Variants in PRKN observed in about 807,000 individuals in gnomAD.
The protein encoded by PRKN is E3 ubiquitin-protein ligase parkin.
In PRKN, 56 loss-of-function variants were observed where a neutral mutation model predicts 59.5. The observed-to-expected ratio is 0.94, with a 90% CI of 0.76 to 1.18. The LOEUF (loss-of-function observed/expected upper bound fraction) is 1.18, where lower values mean the gene tolerates loss of function less well. PRKN is among the 50% of genes most tolerant of loss of function. PRKN has a pLI of 0.00. For synonymous variants in PRKN, 250 were observed against 222.1 expected (o/e 1.13, Z -1.12); for missense variants, 657 against 596.4 (o/e 1.10, Z -1.06).
intron 6 of PRKN, among the ~76,000 whole-genome samples, chr6:161,847,303 T>A (rs1017177006): frequency 1.3e-5 from 2 of 151,438 alleles, no homozygotes; most frequent in Non-Finnish European, 2.9e-5. Flanking sequence ...CAAGACTCTG[T>A]CTAAAAAAAA....
intron 4 of PRKN, among the ~76,000 whole-genome samples, chr6:162,084,101 T>C (rs1449783594): frequency 6.6e-6 from 1 of 152,118 alleles, no homozygotes; most frequent in Non-Finnish European, 1.5e-5. Flanking sequence ...GTAAAAACTA[T>C]TAAATGCATT....
intron 2 of PRKN, among the ~76,000 whole-genome samples, chr6:162,404,367 C>CAAAAAA (rs561461282): frequency 2.9e-5 from 4 of 139,032 alleles, no homozygotes; most frequent in East Asian, 2.2e-4. Context: ...GAGACTCTGT[C>CAAAAAA]AGAAAAAAAA....
chr6:162,381,418 C>G (rs1245744204), intron 2 of PRKN, among the ~76,000 whole-genome samples: 3 of 152,128 alleles, frequency 2.0e-5, no homozygotes, highest in Admixed American at 6.6e-5. Context: ...TTACCTTTTA[C>G]TTTTTCCTCT....
chr6:161,710,717 C>T (rs934480189), intron 7 of PRKN, among the ~76,000 whole-genome samples: 5 of 152,154 alleles, frequency 3.3e-5, no homozygotes, highest in Non-Finnish European at 7.4e-5. Flanking sequence ...CCGCAGGAGT[C>T]ACAGCAAGAA....
chr6:161,726,820 A>AT (rs1288421628), intron 7 of PRKN, among the ~76,000 whole-genome samples: 1 of 152,206 alleles, frequency 6.6e-6, no homozygotes. Context: ...ATCACAACTC[A>AT]TTTTCTGAAA....
intron 7 of PRKN, among the ~76,000 whole-genome samples, chr6:161,771,200 T>TA (rs1331768181): frequency 1.3e-5 from 2 of 151,178 alleles, no homozygotes; most frequent in Admixed American, 6.6e-5. Flanking sequence ...ACTAAAAATA[T>TA]AAAAAATTAG....
At chr6:162,236,439 T>G (rs1195161232) in intron 3 of PRKN, among the ~76,000 whole-genome samples, 1 of 152,142 alleles carries the variant, frequency 6.6e-6, no homozygotes, top group Non-Finnish European at 1.5e-5. Context: ...TATGTCTTTC[T>G]TCCACCCCAC....
At chr6:161,508,604 C>T (rs112097946) in intron 9 of PRKN, among the ~76,000 whole-genome samples, 3,097 of 152,238 alleles carry the variant, frequency 0.02, 111 homozygotes, top group African/African-American at 0.071. Context: ...CCTTAATACA[C>T]TTAATAAATC....
At chr6:162,349,793 T>G (rs1257984259) in intron 2 of PRKN, among the ~76,000 whole-genome samples, 1 of 152,144 alleles carries the variant, frequency 6.6e-6, no homozygotes, top group African/African-American at 2.4e-5. Flanking sequence ...AGGAACACAG[T>G]GAGGATGTCT....
intron 7 of PRKN, among the ~76,000 whole-genome samples, chr6:161,674,427 T>C (rs1785016819): frequency 6.6e-6 from 1 of 152,316 alleles, no homozygotes; most frequent in South Asian, 2.1e-4. Flanking sequence ...CCACAGTTGG[T>C]GGCTGTTCAA....
chr6:162,579,625 ACACACAAATT>A (rs1481100116), intron 1 of PRKN, among the ~76,000 whole-genome samples: 3 of 144,120 alleles, frequency 2.1e-5, no homozygotes, highest in Non-Finnish European at 4.5e-5. Flanking sequence ...ATACACACAT[ACACACAAATT>A]CACACAGATT....
In PRKN at chr6:162,428,082, T is replaced by C. The variant is rs147738398; in HGVS notation, c.171+15228A>G. On this transcript the variant is annotated intron_variant, in intron 2 of 11. Transcript: ENST00000366898. Reference sequence around the variant, plus strand: ...GGTTTTGCAATAACAATTACAAATATGTATCTCCCTACAAAGTTTATACAA... The same window carrying C: ...GGTTTTGCAATAACAATTACAAATACGTATCTCCCTACAAAGTTTATACAA... 7.2e-5 allele frequency among the ~76,000 whole-genome samples: 11 copies of C among 152,298 alleles called. No homozygotes were observed. The East Asian group carries it at 1.2e-3, about 16-fold the overall frequency.
chr6:162,251,008 A>G (rs1779410860), intron 3 of PRKN, among the ~76,000 whole-genome samples: 1 of 152,118 alleles, frequency 6.6e-6, no homozygotes, highest in South Asian at 2.1e-4. Flanking sequence ...AATCTTCATT[A>G]GCCCCTGTGT....
rs1779026382 is a variant in PRKN at position 161,526,615 on chromosome 6, C to G, written c.1083+22239G>C. The stretch of plus-strand genomic sequence containing the variant: ...AAATAAATATAATGAAATAAAATCT[C>G]AAAGCATCAGTAATTGCTACATGAG... On this transcript the variant is annotated intron_variant, in intron 9 of 11. Coordinates refer to ENST00000366898, the MANE Select transcript of PRKN (RefSeq NM_004562.3). The surrounding 1 kb of genome is among the most constrained non-coding windows in gnomAD (Gnocchi z 4.1). Among the ~76,000 whole-genome samples the G allele has an allele frequency of 6.6e-6, 1 of 150,602 alleles. No individual in the cohort carries two copies. Among genetic ancestry groups the G allele is most frequent in the African/African-American group, 2.4e-5 (1 of 41,158 alleles).
chr6:162,301,866 C>A (rs1477200082), intron 2 of PRKN, among the ~76,000 whole-genome samples: 2 of 150,836 alleles, frequency 1.3e-5, no homozygotes, highest in Non-Finnish European at 2.9e-5. Context: ...TGATGTACAC[C>A]AAACCTGTCT....
intron 5 of PRKN, among the ~76,000 whole-genome samples, chr6:162,010,217 T>C (rs1043702109): frequency 8.2e-6 from 1 of 122,102 alleles, no homozygotes; most frequent in Non-Finnish European, 1.8e-5. Context: ...ATATATTATA[T>C]ATACATAATA....
chr6:161,629,513 T>C (rs968729718), intron 7 of PRKN, among the ~76,000 whole-genome samples: 12 of 152,056 alleles, frequency 7.9e-5, no homozygotes, highest in Admixed American at 1.3e-4. Flanking sequence ...CCCTTCTGCT[T>C]AAAACCTCCA....
At chr6:162,326,669 G>T (rs551211855) in intron 2 of PRKN, among the ~76,000 whole-genome samples, 2 of 152,128 alleles carry the variant, frequency 1.3e-5, no homozygotes, top group Non-Finnish European at 2.9e-5. Context: ...ACTGCCCAAG[G>T]TTTGCATCAT....
At chr6:162,555,102 T>C (rs1779505761) in intron 1 of PRKN, among the ~76,000 whole-genome samples, 1 of 152,100 alleles carries the variant, frequency 6.6e-6, no homozygotes, top group African/African-American at 2.4e-5. Context: ...CAGTATGTGA[T>C]ACCCCAACGC....
Sources: allele counts gnomAD v4.1 joint callset (sites outside exome capture counted in the v4.1 genomes callset), GRCh38; gene constraint gnomAD v4.1.1; non-coding constraint Gnocchi (gnomAD v3.1); transcripts MANE v1.5; gene names NCBI Gene and HGNC (gene_info 2026-07-23, HGNC 2026-07-21).